Variants in PLD5 observed in about 807,000 individuals in gnomAD.
PLD5 encodes inactive phospholipase D5.
Under a neutral mutation model 61.1 loss-of-function variants are expected in PLD5, and 36 were observed. That is an observed-to-expected ratio of 0.59 (90% CI 0.45 to 0.78). The LOEUF (loss-of-function observed/expected upper bound fraction) is 0.78. Ranked by LOEUF, PLD5 falls within the 30% of genes least tolerant of loss-of-function variation. The probability of loss-of-function intolerance (pLI) is 0.00; values close to 1 mark genes in which losing one functional copy is unlikely to be tolerated. For synonymous variants in PLD5, 243 were observed against 242.8 expected, an observed-to-expected ratio of 1.00 and a Z score of -0.01; for missense variants, 515 against 644.4, an observed-to-expected ratio of 0.80 and a Z score of 2.17.
At chr1:242,093,612 G>A (rs1015801980) in intron 9 of PLD5, among the ~76,000 whole-genome samples, 5 of 152,038 alleles carry the variant, frequency 3.3e-5, no homozygotes, top group Non-Finnish European at 5.9e-5. Context: ...GTCTGACCCC[G>A]GGGTCCACCC....
At chr1:242,143,502 C>T (rs1242595145) in intron 5 of PLD5, among the ~76,000 whole-genome samples, 1 of 152,160 alleles carries the variant, frequency 6.6e-6, no homozygotes, top group African/African-American at 2.4e-5. Flanking sequence ...TCAAACAAAT[C>T]TTGAAGGATC....
rs968123023 is a variant in PLD5, at chr1:242,101,215, T to C, written c.1240-433A>G. 2.0e-5 allele frequency among the ~76,000 whole-genome samples: 3 copies of C among 152,114 alleles called. No homozygotes were observed. The East Asian group carries it at 5.8e-4, about 29-fold the overall frequency. On this transcript the variant is annotated intron_variant, in intron 8 of 9. Coordinates refer to ENST00000536534, the MANE Select transcript of PLD5 (RefSeq NM_001372062.1). ...TGACTAGCTGATTAAACTGGGGATT[T>C]GCCAAGGTCAAAAGAGACTTTGCCA...
Position 242,460,634 on chromosome 1 carries a change from T to TACATACACAC in PLD5, c.189+63444_189+63453dup, listed in dbSNP as rs1276573301. On this transcript the variant is annotated intron_variant, in intron 1 of 9. Transcript: ENST00000536534. ...TACAGACACACAAACAACACATACA[T>TACATACACAC]ACATACACACACATACACACACATC... 8.6e-3 allele frequency among the ~76,000 whole-genome samples: 1,302 copies of TACATACACAC among 152,028 alleles called. 22 individuals are homozygous for TACATACACAC. The highest frequency in any genetic ancestry group is 0.03 in the African/African-American group (1,243 of 41,434).
At chr1:242,186,389 G>T (rs1427425247) in intron 5 of PLD5, among the ~76,000 whole-genome samples, 1 of 152,040 alleles carries the variant, frequency 6.6e-6, no homozygotes, top group Admixed American at 6.5e-5. Flanking sequence ...CACCATGTTG[G>T]TCAGGCTGGT....
chr1:242,480,614 T>G (rs917138186), intron 1 of PLD5, among the ~76,000 whole-genome samples: 2 of 152,096 alleles, frequency 1.3e-5, no homozygotes, highest in African/African-American at 4.8e-5. Flanking sequence ...TGACAAGAGT[T>G]TTATATCTAA....
chr1:242,522,036 A>C (rs1245993360), intron 1 of PLD5, among the ~76,000 whole-genome samples: 1 of 152,232 alleles, frequency 6.6e-6, no homozygotes, highest in African/African-American at 2.4e-5. Context: ...ATTCATTAAA[A>C]ATGTTCGTGA....
intron 1 of PLD5, among the ~76,000 whole-genome samples, chr1:242,396,978 C>G (rs1663619288): frequency 6.6e-6 from 1 of 151,918 alleles, no homozygotes; most frequent in African/African-American, 2.4e-5. Flanking sequence ...ACCCCTGGTT[C>G]TATTTTCTTT....
rs71570931 is a variant in PLD5 at position 242,113,084 on chromosome 1, C to CTTTTTTTTTTT, written c.1070+795_1070+805dup. On this transcript the variant is annotated intron_variant, in intron 7 of 9. Transcript: ENST00000536534. ...ATTTGAAGTTTCTTTCTCTCTCTCT[C>CTTTTTTTTTTT]TTTTTTTTTTTTTTTTTTTTTTTGA... 2.9e-4 allele frequency among the ~76,000 whole-genome samples: 32 copies of CTTTTTTTTTTT among 110,662 alleles called. 2 individuals carry two copies. The highest frequency in any genetic ancestry group is 4.1e-4 in the Admixed American group (4 of 9,820). 72.6% of individuals were successfully genotyped at this position (110,662 alleles called of 152,430 possible). A position where few individuals can be genotyped will look rare whatever the true frequency, so the allele number is the denominator to read the frequency against.
Position 242,411,356 on chromosome 1 carries a change from C to A in PLD5, c.190-63114G>T, listed in dbSNP as rs1447539592. On this transcript the variant is annotated intron_variant, in intron 1 of 9. Coordinates refer to ENST00000536534, the MANE Select transcript of PLD5 (RefSeq NM_001372062.1). ...GTTCACGCCATTCTCCTGCCTCAGC[C>A]TCCCGAGTAGCTGGGACTACAGGCG... Among the ~76,000 whole-genome samples the A allele has an allele frequency of 2.0e-5, 3 of 152,338 alleles. No homozygotes were observed. In the East Asian group the frequency reaches 5.8e-4, roughly 29 times the overall value.
At chr1:242,271,349 TAA>T (rs61106190) in intron 3 of PLD5, among the ~76,000 whole-genome samples, 1 of 145,764 alleles carries the variant, frequency 6.9e-6, no homozygotes, top group Non-Finnish European at 1.5e-5. Context: ...AATACCAAAA[TAA>T]AAAAAAAATG....
chr1:242,143,684 G>A (rs544169001), intron 5 of PLD5, among the ~76,000 whole-genome samples: 2 of 152,160 alleles, frequency 1.3e-5, no homozygotes, highest in African/African-American at 2.4e-5. Flanking sequence ...TTAAGGAGTG[G>A]GTGATTGTCC....
chr1:242,321,043 C>T (rs1658365544), intron 2 of PLD5, among the ~76,000 whole-genome samples: 1 of 152,230 alleles, frequency 6.6e-6, no homozygotes, highest in Admixed American at 6.5e-5. Flanking sequence ...CTACTATCAA[C>T]CGAAAGAAAT....
chr1:242,502,641 G>A (rs998083258), intron 1 of PLD5, among the ~76,000 whole-genome samples: 7 of 152,028 alleles, frequency 4.6e-5, no homozygotes, highest in East Asian at 3.9e-4. Flanking sequence ...GGGTGCTTAC[G>A]CAAGTGCATG....
chr1:242,436,255 G>A (rs1665991922), intron 1 of PLD5, among the ~76,000 whole-genome samples: 1 of 151,982 alleles, frequency 6.6e-6, no homozygotes, highest in African/African-American at 2.4e-5. Flanking sequence ...TCTTTCGTAG[G>A]TCTTATTTTT....
At chr1:242,326,707 T>A (rs576380010) in intron 2 of PLD5, among the ~76,000 whole-genome samples, 69 of 152,158 alleles carry the variant, frequency 4.5e-4, no homozygotes, top group African/African-American at 1.6e-3. Context: ...AGTTTTTTTG[T>A]GTGTGTGTTT....
intron 4 of PLD5, among the ~76,000 whole-genome samples, chr1:242,237,176 G>A (rs1671691733): frequency 6.6e-6 from 1 of 151,732 alleles, no homozygotes; most frequent in African/African-American, 2.4e-5. Context: ...AAACAGCTTT[G>A]GTAGATAAGT....
At chr1:242,332,837 A>G (rs1659267862) in intron 2 of PLD5, among the ~76,000 whole-genome samples, 1 of 152,212 alleles carries the variant, frequency 6.6e-6, no homozygotes, top group South Asian at 2.1e-4. Context: ...TGCTTACATT[A>G]CTGGAAAAAC....
In PLD5 at chr1:242,198,780, G is replaced by T. The variant is rs541325750; in HGVS notation, c.735+21208C>A. Reference sequence around the variant, plus strand: ...AGATGGAGTTTCACTCGTTGCCCAGGCTGGAGTGCAGTGGCGCAGTCTCAG... The same window carrying T: ...AGATGGAGTTTCACTCGTTGCCCAGTCTGGAGTGCAGTGGCGCAGTCTCAG... On this transcript the variant is annotated intron_variant, in intron 5 of 9. Coordinates refer to ENST00000536534, the MANE Select transcript of PLD5 (RefSeq NM_001372062.1). Among the ~76,000 whole-genome samples, 186 of 151,818 alleles carry T rather than the reference G, an allele frequency of 1.2e-3. 1 individual carries two copies. Among genetic ancestry groups the T allele is most frequent in the African/African-American group, 4.3e-3 (180 of 41,382 alleles).
At chr1:242,515,569 C>T (rs776840444) in intron 1 of PLD5, among the ~76,000 whole-genome samples, 15 of 152,182 alleles carry the variant, frequency 9.9e-5, no homozygotes, top group African/African-American at 3.1e-4. Flanking sequence ...TGTCTTCTTT[C>T]GTTCATTATT....
Sources: allele counts gnomAD v4.1 joint callset (sites outside exome capture counted in the v4.1 genomes callset), GRCh38; gene constraint gnomAD v4.1.1; transcripts MANE v1.5; gene names NCBI Gene and HGNC (gene_info 2026-07-23, HGNC 2026-07-21).